NAPG: variants seen among roughly 807,000 people sequenced by gnomAD.
NAPG encodes the protein NSF attachment protein gamma.
Under a neutral mutation model 48.4 loss-of-function variants are expected in NAPG, and 25 were observed. The observed-to-expected ratio is 0.52, with a 90% CI of 0.38 to 0.72. The LOEUF (loss-of-function observed/expected upper bound fraction) is 0.72, where lower values mean the gene tolerates loss of function less well. Ranked by LOEUF, NAPG falls within the 30% of genes least tolerant of loss-of-function variation. The pLI is 0.00. For missense variants in NAPG, 359 were observed against 372.5 expected, an observed-to-expected ratio of 0.96 and a Z score of 0.30; for synonymous variants, 139 against 127.2, an observed-to-expected ratio of 1.09 and a Z score of -0.62.
chr18:10,530,849 T>G lies in NAPG; in HGVS notation c.124+12T>G. On this transcript the variant is annotated intron_variant, in intron 2 of 11. Transcript: ENST00000322897. ...ATATGGAAAAGCAGGTATTTTTGAC[T>G]ATAGTCCAGTTGCTCCAGTATGTAA... 6.4e-7 allele frequency: 1 copy of G among 1,556,814 alleles called. No individual in the cohort carries two copies. Among genetic ancestry groups the G allele is most frequent in the South Asian group, 1.2e-5 (1 of 81,906 alleles).
intron 11 of NAPG, among the ~76,000 whole-genome samples, 195 bp downstream of exon 11, chr18:10,549,291 T>G (rs2032335612): frequency 6.6e-6 from 1 of 152,228 alleles, no homozygotes; most frequent in Admixed American, 6.5e-5. Context: ...GTTAGTTGTG[T>G]GGTGTATAGC....
chr18:10,540,206 A>G, intron 7 of NAPG, 123 bp from the exon 8 acceptor site: 1 of 1,055,926 alleles, frequency 9.5e-7, no homozygotes, highest in South Asian at 1.5e-5. Flanking sequence ...AGTGAAATGA[A>G]CTAGCAGCTT....
chr18:10,550,210 G>A lies in NAPG; in HGVS notation c.929G>A (p.Gly310Glu), dbSNP rs201175120. Residue 310 changes from glycine to glutamate, a missense_variant, in exon 12 of 12, where the codon GGA becomes GAA. By Grantham distance (98) the Gly-to-Glu change is moderately conservative. Coordinates refer to ENST00000322897, the MANE Select transcript of NAPG (RefSeq NM_003826.3). ...GAAGAGGAAGATGAATACTCAGGAG[G>A]ACTATGCTAGTATTTTGCTTGCTGA... is the stretch of plus-strand genomic sequence containing the variant. The part of the protein sequence containing the change: ...ADEEEDEYSG[G>E]LC 113 of 1,581,078 alleles carry A rather than the reference G, an allele frequency of 7.1e-5. 1 individual carries two copies. In the African/African-American group the frequency reaches 1.4e-3, roughly 20 times the overall value.
rs1232228153 is a variant in NAPG, at chr18:10,542,738, A to G, written c.506+2339A>G. Among the ~76,000 whole-genome samples, 1 of 152,204 alleles carries G rather than the reference A, an allele frequency of 6.6e-6. No homozygotes were observed. The highest frequency in any genetic ancestry group is 2.4e-5 in the African/African-American group (1 of 41,452). ...AAGATGTCCTAATTTAATACTTTCTATGTTAGTGTAGCAAAGAATCTATTT... is the reference window on the plus strand; with the variant it reads ...AAGATGTCCTAATTTAATACTTTCTGTGTTAGTGTAGCAAAGAATCTATTT... On this transcript the variant is annotated intron_variant, in intron 8 of 11. Transcript: ENST00000322897. This position sits in a 1 kb window ranked among gnomAD's most constrained non-coding sequence, Gnocchi z 4.5.
intron 11 of NAPG, 127 bp downstream of exon 11, chr18:10,549,223 C>A: frequency 3.6e-6 from 4 of 1,106,280 alleles, no homozygotes; most frequent in Non-Finnish European, 5.1e-6. Flanking sequence ...CAAGCTACTA[C>A]TCATAAGGAA....
chr18:10,535,754 C>T (rs1278622572), intron 5 of NAPG, among the ~76,000 whole-genome samples: 6 of 152,222 alleles, frequency 3.9e-5, no homozygotes, highest in Non-Finnish European at 8.8e-5. Context: ...GAGCGAGACT[C>T]TGTCTCAAAG....
intron 2 of NAPG, 48 bp downstream of exon 2, chr18:10,530,885 G>T: frequency 1.5e-6 from 2 of 1,363,192 alleles, no homozygotes; most frequent in Non-Finnish European, 9.9e-7. Context: ...TCTTAAAATA[G>T]TCTGATAACT....
At chr18:10,545,987 G>A (rs1179268742) in intron 8 of NAPG, among the ~76,000 whole-genome samples, 1 of 152,194 alleles carries the variant, frequency 6.6e-6, no homozygotes, top group Admixed American at 6.5e-5. Flanking sequence ...GAAATCTTGG[G>A]TGATTTAATC....
At position 10,539,929 on chromosome 18, in the gene NAPG, G is replaced by C; in HGVS notation, c.368+58G>C. On this transcript the variant is annotated intron_variant, in intron 6 of 11. Transcript: ENST00000322897. This position sits in a 1 kb window ranked among gnomAD's most constrained non-coding sequence, Gnocchi z 4.7. ...AGTCTTGTCTTTTTGTTTTAAAGAGGTCCCTGAAAAACAAGTTTTCCATTT... is the reference window on the plus strand; with the variant it reads ...AGTCTTGTCTTTTTGTTTTAAAGAGCTCCCTGAAAAACAAGTTTTCCATTT... The C allele has an allele frequency of 1.2e-6, 2 of 1,605,246 alleles. No homozygotes were observed. The highest frequency in any genetic ancestry group is 3.4e-5 in the Admixed American group (2 of 59,430).
At position 10,540,027 on chromosome 18, in the gene NAPG, A is replaced by G. The variant is rs1190651087; in HGVS notation, c.408A>G (p.Leu136=). 6.3e-7 allele frequency: 1 copy of G among 1,592,600 alleles called. No individual in the cohort carries two copies. Among genetic ancestry groups the G allele is most frequent in the Non-Finnish European group, 8.6e-7 (1 of 1,168,436 alleles). Residue 136 remains leucine (L), a synonymous_variant, in exon 7 of 12, where the codon TTA becomes TTG. Coordinates refer to ENST00000322897, the MANE Select transcript of NAPG (RefSeq NM_003826.3). ...ENVDPEKAVQ[L]YQQTANVFEN... ...TTGATCCAGAGAAGGCTGTACAGTT[A>G]TATCAACAGACAGCTAATGTGTTTG...
chr18:10,549,246 C>T, intron 11 of NAPG, 150 bp downstream of exon 11: 1 of 870,968 alleles, frequency 1.1e-6, no homozygotes, highest in African/African-American at 1.7e-5. Flanking sequence ...TGACCACTTG[C>T]ATTGAATTTC....
At chr18:10,535,937 C>T (rs1046153403) in intron 5 of NAPG, among the ~76,000 whole-genome samples, 4 of 152,202 alleles carry the variant, frequency 2.6e-5, no homozygotes, top group Admixed American at 6.5e-5. Flanking sequence ...GTTTCTCTTA[C>T]GGCCAAAGAA....
At position 10,542,368 on chromosome 18, in the gene NAPG, A is replaced by G. The variant is rs1258516656; in HGVS notation, c.506+1969A>G. On this transcript the variant is annotated intron_variant, in intron 8 of 11. Transcript: ENST00000322897. The surrounding 1 kb of genome is among the most constrained non-coding windows in gnomAD (Gnocchi z 4.5). ...TAAATTTGTGCAGGAACATGAAGGA[A>G]TTTGATCTTTTGAAAAGTGTTGCTG... Among the ~76,000 whole-genome samples the G allele has an allele frequency of 2.6e-5, 4 of 152,208 alleles. No individual in the cohort carries two copies. Among genetic ancestry groups the G allele is most frequent in the Non-Finnish European group, 5.9e-5 (4 of 68,028 alleles).
chr18:10,550,002 G>A, intron 11 of NAPG, 75 bp from the exon 12 acceptor site: 2 of 1,426,492 alleles, frequency 1.4e-6, no homozygotes, highest in Non-Finnish European at 1.8e-6. Flanking sequence ...GCCAGGCTGT[G>A]TCTTTTTAGA....
Position 10,534,618 on chromosome 18 carries a change from G to A in NAPG, c.258+122G>A. 5 of 838,156 alleles carry A rather than the reference G, an allele frequency of 6.0e-6. No individual in the cohort carries two copies. Among genetic ancestry groups the A allele is most frequent in the Non-Finnish European group, 1.0e-5 (5 of 501,430 alleles). The allele number at this position is 838,156 out of a possible 1,614,324, so 51.9% of individuals were successfully genotyped here. A position where few individuals can be genotyped will look rare whatever the true frequency, so the allele number is the denominator to read the frequency against. Reference sequence around the variant, plus strand: ...TGTAAGGCAAGAGGTGCTAAGTTAAGATTTTCTGTCCACGGTAACGTTAAT... The same window carrying A: ...TGTAAGGCAAGAGGTGCTAAGTTAAAATTTTCTGTCCACGGTAACGTTAAT... On this transcript the variant is annotated intron_variant, in intron 5 of 11. Transcript: ENST00000322897. The surrounding 1 kb of genome is among the most constrained non-coding windows in gnomAD (Gnocchi z 5.0).
intron 5 of NAPG, among the ~76,000 whole-genome samples, chr18:10,537,073 C>T (rs2032050613): frequency 6.6e-6 from 1 of 151,976 alleles, no homozygotes; most frequent in South Asian, 2.1e-4. Flanking sequence ...CCTCCCACCT[C>T]AGCCTCCTGA....
chr18:10,526,243 A>AGCCCCGGGGGGGGGGGGGG, intron 1 of NAPG, 85 bp downstream of exon 1: 2 of 316,624 alleles, frequency 6.3e-6, no homozygotes, highest in Non-Finnish European at 1.3e-5. Context: ...GGGGGGCGGG[A>AGCCCCGGGGGGGGGGGGGG]GGGAGGGCTC....
intron 1 of NAPG, among the ~76,000 whole-genome samples, chr18:10,527,783 G>A (rs1217333166): frequency 1.3e-5 from 2 of 152,158 alleles, no homozygotes; most frequent in African/African-American, 2.4e-5. Flanking sequence ...GCCAGGGGAC[G>A]AGCTGGAGTG....
rs2032191664 is a variant in NAPG, at chr18:10,543,160, A to AG, written c.506+2762dup. Among the ~76,000 whole-genome samples, 1 of 151,968 alleles carries AG rather than the reference A, an allele frequency of 6.6e-6. No individual in the cohort carries two copies. The stretch of plus-strand genomic sequence containing the variant: ...CAAAAAAAAAAAAAAAGAAAAGAAA[A>AG]GAAAAAAAGACCTTTCCAGCAAGTT... On this transcript the variant is annotated intron_variant, in intron 8 of 11. Coordinates refer to ENST00000322897, the MANE Select transcript of NAPG (RefSeq NM_003826.3). This position sits in a 1 kb window ranked among gnomAD's most constrained non-coding sequence, Gnocchi z 4.4.
Sources: gnomAD v4.1 joint callset for allele counts (sites outside exome capture counted in the v4.1 genomes callset) on GRCh38, gnomAD v4.1.1 for gene constraint, Gnocchi (gnomAD v3.1) non-coding constraint, MANE v1.5 for transcripts, NCBI Gene and HGNC (gene_info 2026-07-23, HGNC 2026-07-21) for gene names.